The following IQCE variants were observed in gnomAD, a reference collection of about 807,000 sequenced individuals.
The protein encoded by IQCE is IQ domain-containing protein E.
Under a neutral mutation model 96.0 loss-of-function variants are expected in IQCE, and 115 were observed. The ratio of observed to expected loss-of-function variants is 1.20; its 90% CI spans 1.03 to 1.40. The LOEUF is 1.40. IQCE is among the 40% of genes most tolerant of loss of function. The probability of loss-of-function intolerance (pLI) is 0.00; values close to 1 mark genes in which losing one functional copy is unlikely to be tolerated. For missense variants in IQCE, 1,041 were observed against 909.1 expected (o/e 1.15, Z -1.87); for synonymous variants, 412 against 371.2 (o/e 1.11, Z -1.26).
intron 1 of IQCE, among the ~76,000 whole-genome samples, chr7:2,560,753 C>T (rs922504147): frequency 1.3e-5 from 2 of 151,772 alleles, no homozygotes; most frequent in East Asian, 1.9e-4. Flanking sequence ...GTCAGGAGAT[C>T]GAGACCATGC....
At chr7:2,566,095 A>C (rs571654766) in intron 1 of IQCE, among the ~76,000 whole-genome samples, 1 of 152,314 alleles carries the variant, frequency 6.6e-6, no homozygotes, top group South Asian at 2.1e-4. Context: ...GACAGGTAGC[A>C]CAAATGTCAT....
At chr7:2,599,789 TTTTTC>T (rs143760748) in intron 17 of IQCE, among the ~76,000 whole-genome samples, 2,777 of 151,626 alleles carry the variant, frequency 0.018, 37 homozygotes, top group Non-Finnish European at 0.027. Flanking sequence ...ACCTAGATTT[TTTTTC>T]TTTTCTTTTT....
At chr7:2,571,433 T>G in intron 3 of IQCE, 93 bp from the exon 4 acceptor site, 2 of 1,531,564 alleles carry the variant, frequency 1.3e-6, no homozygotes, top group Non-Finnish European at 1.8e-6. Flanking sequence ...CGCTCGTGGA[T>G]TTTGTTTTCC....
chr7:2,570,567 C>G (rs970206579), intron 3 of IQCE, among the ~76,000 whole-genome samples: 1 of 151,666 alleles, frequency 6.6e-6, no homozygotes, highest in Admixed American at 6.6e-5. Context: ...ATTGTGAAAC[C>G]GCGGGAAAAA....
At chr7:2,586,817 C>T (rs929685932) in intron 12 of IQCE, among the ~76,000 whole-genome samples, 1 of 152,132 alleles carries the variant, frequency 6.6e-6, no homozygotes, top group Non-Finnish European at 1.5e-5. Flanking sequence ...ACAGGCGGGG[C>T]AGAGCTGAGT....
chr7:2,606,057 C>T, intron 20 of IQCE, 60 bp downstream of exon 20: 1 of 1,544,236 alleles, frequency 6.5e-7, no homozygotes, highest in South Asian at 1.2e-5. Flanking sequence ...GCCCACCGCA[C>T]TGGGCCCGGA....
chr7:2,605,109 G>A (rs1233422748), intron 19 of IQCE, 118 bp downstream of exon 19: 1 of 699,666 alleles, frequency 1.4e-6, no homozygotes, highest in Non-Finnish European at 2.4e-6. Context: ...CGCCCAGCAG[G>A]CGTCCCCTGC....
In IQCE at chr7:2,593,630, G is replaced by A. The variant is rs1783789642; in HGVS notation, c.1349+504G>A. 3.3e-5 allele frequency among the ~76,000 whole-genome samples: 5 copies of A among 152,254 alleles called. No individual in the cohort carries two copies. In the South Asian group the frequency reaches 1.0e-3, roughly 31 times the overall value. ...ACCTGGTGCTCGGCAAAGAAAGCCA[G>A]GCACAAAAGGCCGCGTAGCACACGA... is the stretch of plus-strand genomic sequence containing the variant. On this transcript the variant is annotated intron_variant, in intron 15 of 21. Transcript: ENST00000402050.
chr7:2,568,523 C>T (rs2128433257), intron 2 of IQCE, among the ~76,000 whole-genome samples: 1 of 152,272 alleles, frequency 6.6e-6, no homozygotes, highest in African/African-American at 2.4e-5. Context: ...ACAGGGTCTC[C>T]CTTTGCTCGG....
intron 1 of IQCE, chr7:2,566,687 G>A (rs959514645): frequency 2.8e-4 from 50 of 176,378 alleles, no homozygotes; most frequent in Non-Finnish European, 5.1e-4. Context: ...TGCCCAGGCC[G>A]AGTTTGCTTT....
intron 15 of IQCE, 98 bp downstream of exon 15, chr7:2,593,224 G>C: frequency 6.8e-7 from 1 of 1,474,080 alleles, no homozygotes; most frequent in South Asian, 1.4e-5. Flanking sequence ...CTGCCAGCCG[G>C]CTTCTTAGAA....
chr7:2,572,155 G>T, intron 4 of IQCE, 37 bp from the exon 5 acceptor site: 1 of 1,585,914 alleles, frequency 6.3e-7, no homozygotes, highest in Non-Finnish European at 8.6e-7. Context: ...GTGTGTGCTT[G>T]TATCTGTCAT....
At position 2,582,147 on chromosome 7, in the gene IQCE, C is replaced by T. The variant is rs556054411; in HGVS notation, c.631-433C>T. The T allele has an allele frequency of 4.7e-5, 21 of 446,488 alleles. No individual in the cohort carries two copies. In the East Asian group the frequency reaches 6.2e-4, roughly 13 times the overall value. 27.7% of individuals were successfully genotyped at this position (446,488 alleles called of 1,614,324 possible). ...GAGTGGCTCCTCAGGCCCCTACGGC[C>T]GCGCTGTCTCCCACCCTCACTCACT... On this transcript the variant is annotated intron_variant, in intron 8 of 21. Transcript: ENST00000402050.
At chr7:2,565,486 G>T (rs1781306619) in intron 1 of IQCE, among the ~76,000 whole-genome samples, 1 of 152,122 alleles carries the variant, frequency 6.6e-6, no homozygotes, top group Non-Finnish European at 1.5e-5. Flanking sequence ...TTGAATTTCA[G>T]GTCATTCAAA....
intron 18 of IQCE, among the ~76,000 whole-genome samples, chr7:2,603,445 A>G (rs1217705686): frequency 6.6e-6 from 1 of 151,676 alleles, no homozygotes; most frequent in Non-Finnish European, 1.5e-5. Context: ...TCGGCCAGTC[A>G]GTGGTGGGTG....
intron 12 of IQCE, among the ~76,000 whole-genome samples, chr7:2,586,937 C>T (rs908736576): frequency 6.6e-5 from 10 of 152,192 alleles, no homozygotes; most frequent in South Asian, 4.1e-4. Context: ...GGAGGGGGGC[C>T]GTGCTGCTTC....
At chr7:2,568,838 C>A in intron 2 of IQCE, 116 bp from the exon 3 acceptor site, 1 of 920,966 alleles carries the variant, frequency 1.1e-6, no homozygotes, top group South Asian at 1.4e-5. Context: ...TCCCCGTAAG[C>A]TCACGTCCTC....
rs540448162 is a variant in IQCE at position 2,559,277 on chromosome 7, G to A, written c.36+60G>A. ...GTCCGCGAGGCCTCGGCTCGTCTCC[G>A]TCGCCCGCAGCCTCGGGGCCCCGCG... is the stretch of plus-strand genomic sequence containing the variant. On this transcript the variant is annotated intron_variant, in intron 1 of 21. Coordinates refer to ENST00000402050, the MANE Select transcript of IQCE (RefSeq NM_152558.5). 1,064 of 1,071,190 alleles carry A rather than the reference G, an allele frequency of 9.9e-4. 11 individuals are homozygous for A. In the African/African-American group the frequency reaches 0.016, roughly 16 times the overall value. 66.4% of individuals were successfully genotyped at this position (1,071,190 alleles called of 1,614,324 possible).
At chr7:2,602,404 A>C (rs1784494933) in intron 18 of IQCE, among the ~76,000 whole-genome samples, 1 of 152,120 alleles carries the variant, frequency 6.6e-6, no homozygotes, top group Non-Finnish European at 1.5e-5. Flanking sequence ...GTGGCCTCTG[A>C]GATGCTCCCC....
Sources: gnomAD v4.1 joint callset for allele counts (sites outside exome capture counted in the v4.1 genomes callset) on GRCh38, gnomAD v4.1.1 for gene constraint, MANE v1.5 for transcripts, NCBI Gene and HGNC (gene_info 2026-07-23, HGNC 2026-07-21) for gene names.